THOC5: variants seen among roughly 807,000 people sequenced by gnomAD.
The protein encoded by THOC5 is THO complex subunit 5, also known as Fms-interacting protein.
A neutral mutation model predicts 92.9 loss-of-function variants in THOC5; 43 were observed. The ratio of observed to expected loss-of-function variants is 0.46; its 90% confidence interval spans 0.36 to 0.60. The LOEUF (loss-of-function observed/expected upper bound fraction) is 0.60. Among genes scored for constraint, THOC5 ranks in the 20% least tolerant of loss-of-function variants. The probability of loss-of-function intolerance (pLI) is 0.00; values close to 1 mark genes in which losing one functional copy is unlikely to be tolerated. For synonymous variants in THOC5, 296 were observed against 320.1 expected, an observed-to-expected ratio of 0.92 and a Z score of 0.80; for missense variants, 659 against 849.4, an observed-to-expected ratio of 0.78 and a Z score of 2.79.
At chr22:29,552,662 G>C (rs2064191173) in intron 1 of THOC5, among the ~76,000 whole-genome samples, 2 of 151,664 alleles carry the variant, frequency 1.3e-5, no homozygotes, top group Admixed American at 1.3e-4. Context: ...TCCGGGAGGT[G>C]GGGGGCGCCT....
In THOC5 at chr22:29,512,148, GGAGA is replaced by G. The variant is rs1422520629; in HGVS notation, c.1682-16_1682-13del. On this transcript the variant is annotated splice_polypyrimidine_tract_variant and intron_variant, in intron 17 of 19. Coordinates refer to ENST00000490103, the MANE Select transcript of THOC5 (RefSeq NM_003678.5). ...GGCCTGCAGTTTGGCTGGGAAGAGA[GGAGA>G]GAGGGGAAATGCGCAGTTCTAAGAC... 6.2e-7 allele frequency: 1 copy of G among 1,610,482 alleles called. No homozygotes were observed. Among genetic ancestry groups the G allele is most frequent in the Non-Finnish European group, 8.5e-7 (1 of 1,176,728 alleles).
chr22:29,525,098 C>A (rs5752938), intron 12 of THOC5, among the ~76,000 whole-genome samples: 8,112 of 152,036 alleles, frequency 0.053, 523 homozygotes, highest in African/African-American at 0.14. Context: ...CACAGCAAGA[C>A]CCCGTTTCTA....
rs755339298 is a variant in THOC5, at chr22:29,544,444, T to C, written c.240+16A>G. Reference sequence around the variant, plus strand: ...TAAACCCACCAGGTTCACGGCCACCTGGTCCCACTCCTTACCACATCCTTG... The same window carrying C: ...TAAACCCACCAGGTTCACGGCCACCCGGTCCCACTCCTTACCACATCCTTG... On this transcript the variant is annotated intron_variant, in intron 3 of 19. Coordinates refer to ENST00000490103, the MANE Select transcript of THOC5 (RefSeq NM_003678.5). 2 of 1,609,748 alleles carry C rather than the reference T, an allele frequency of 1.2e-6. No individual in the cohort carries two copies. Among genetic ancestry groups the C allele is most frequent in the Non-Finnish European group, 1.7e-6 (2 of 1,178,140 alleles).
Position 29,536,755 on chromosome 22 carries a change from G to A in THOC5, c.600-17C>T, listed in dbSNP as rs1293477710. Reference sequence around the variant, plus strand: ...TCTGCCAGCCTGTTGGGGGAGGAAAGAGCATTGTCACCTGATATCCCCCAG... The same window carrying A: ...TCTGCCAGCCTGTTGGGGGAGGAAAAAGCATTGTCACCTGATATCCCCCAG... On this transcript the variant is annotated splice_polypyrimidine_tract_variant and intron_variant, in intron 6 of 19. Coordinates refer to ENST00000490103, the MANE Select transcript of THOC5 (RefSeq NM_003678.5). 3 of 1,441,120 alleles carry A rather than the reference G, an allele frequency of 2.1e-6. No individual in the cohort carries two copies. The highest frequency in any genetic ancestry group is 2.9e-6 in the Non-Finnish European group (3 of 1,022,360). 89.3% of individuals were successfully genotyped at this position (1,441,120 alleles called of 1,614,324 possible). A position where few individuals can be genotyped will look rare whatever the true frequency, so the allele number is the denominator to read the frequency against.
chr22:29,548,645 G>A (rs56406228), intron 2 of THOC5, among the ~76,000 whole-genome samples: 8 of 152,180 alleles, frequency 5.3e-5, no homozygotes, highest in Non-Finnish European at 8.8e-5. Context: ...AGAACCTGAC[G>A]ACCACATGAG....
At chr22:29,532,433 G>A (rs913873929) in intron 7 of THOC5, among the ~76,000 whole-genome samples, 1 of 152,230 alleles carries the variant, frequency 6.6e-6, no homozygotes, top group African/African-American at 2.4e-5. Flanking sequence ...GGAGGCTGAG[G>A]CAGATGGATC....
chr22:29,522,003 C>T (rs188797891), intron 12 of THOC5, among the ~76,000 whole-genome samples: 2 of 152,124 alleles, frequency 1.3e-5, no homozygotes, highest in Non-Finnish European at 2.9e-5. Context: ...TCCCTGTTCC[C>T]CAAGGTCTTT....
At chr22:29,536,589 T>C (rs778749742) in intron 7 of THOC5, 35 bp downstream of exon 7, 2 of 1,281,392 alleles carry the variant, frequency 1.6e-6, no homozygotes, top group South Asian at 1.2e-5. Context: ...GCCTGGTCAG[T>C]GGTGAAGGCA....
intron 5 of THOC5, among the ~76,000 whole-genome samples, chr22:29,540,402 G>A (rs549811763): frequency 6.6e-6 from 1 of 152,270 alleles, no homozygotes; most frequent in African/African-American, 2.4e-5. Flanking sequence ...CCTCATTTAA[G>A]CCTCACAACA....
chr22:29,552,994 T>C (rs1171650576), intron 1 of THOC5, among the ~76,000 whole-genome samples: 1 of 152,064 alleles, frequency 6.6e-6, no homozygotes, highest in African/African-American at 2.4e-5. Flanking sequence ...TTAAATGGAT[T>C]AAGGGCGGGG....
intron 7 of THOC5, chr22:29,534,698 T>A (rs1033062804): frequency 1.3e-5 from 2 of 152,158 alleles, no homozygotes; most frequent in African/African-American, 4.8e-5. Context: ...CTCACGCCTG[T>A]AATCCCAGCA....
intron 2 of THOC5, among the ~76,000 whole-genome samples, chr22:29,547,824 C>T (rs2064055686): frequency 6.6e-6 from 1 of 152,164 alleles, no homozygotes; most frequent in South Asian, 2.1e-4. Flanking sequence ...TTTCAGCAAA[C>T]CCCCACTCTA....
At chr22:29,508,553 C>G (rs2063163450) in intron 19 of THOC5, 33 bp from the exon 20 acceptor site, 1 of 1,566,442 alleles carries the variant, frequency 6.4e-7, no homozygotes, top group African/African-American at 1.4e-5. Flanking sequence ...TTGTTAATAA[C>G]ACACCTTCTA....
intron 11 of THOC5, 73 bp from the exon 12 acceptor site, chr22:29,526,019 A>G (rs2063536073): frequency 2.4e-5 from 14 of 586,764 alleles, no homozygotes; most frequent in East Asian, 5.6e-5. Flanking sequence ...CATAGGGGGT[A>G]GTAAGGTGGG....
At chr22:29,515,390 T>C (rs1001861855) in intron 17 of THOC5, among the ~76,000 whole-genome samples, 1 of 152,204 alleles carries the variant, frequency 6.6e-6, no homozygotes, top group East Asian at 1.9e-4. Context: ...TAGACTATAG[T>C]GCAAACATAA....
At chr22:29,526,186 A>C (rs1414520070) in intron 11 of THOC5, among the ~76,000 whole-genome samples, 1 of 152,224 alleles carries the variant, frequency 6.6e-6, no homozygotes, top group Non-Finnish European at 1.5e-5. Flanking sequence ...TATAACAAAA[A>C]AAGAAAAACA....
chr22:29,541,893 AATATATATATATATAT>A (rs55924406), intron 5 of THOC5, among the ~76,000 whole-genome samples: 1 of 74,174 alleles, frequency 1.3e-5, no homozygotes, highest in African/African-American at 6.9e-5. Context: ...AAAAAAAAAA[AATATATATATATATAT>A]ATATATATAT....
rs375338201 is a variant in THOC5 at position 29,517,125 on chromosome 22, G to C, written c.1594-9C>G. On this transcript the variant is annotated splice_polypyrimidine_tract_variant and intron_variant, in intron 16 of 19. Coordinates refer to ENST00000490103, the MANE Select transcript of THOC5 (RefSeq NM_003678.5). ...TTGGTGAAGTGCAGCTCCTAGAAGAGGTACCACAGACAAGAGGTGAACTGC... is the reference window on the plus strand; with the variant it reads ...TTGGTGAAGTGCAGCTCCTAGAAGACGTACCACAGACAAGAGGTGAACTGC... 1 of 1,614,046 alleles carries C rather than the reference G, an allele frequency of 6.2e-7. No homozygotes were observed. The highest frequency in any genetic ancestry group is 1.3e-5 in the African/African-American group (1 of 75,014).
At position 29,542,842 on chromosome 22, in the gene THOC5, T is replaced by G. The variant is rs2063927651; in HGVS notation, c.452+17A>C. On this transcript the variant is annotated intron_variant, in intron 5 of 19. Coordinates refer to ENST00000490103, the MANE Select transcript of THOC5 (RefSeq NM_003678.5). Reference sequence around the variant, plus strand: ...CGAAAGACCACATGTGCCAAAGCCCTGTCCTCCCAAACTCACTTAAACTCC... The same window carrying G: ...CGAAAGACCACATGTGCCAAAGCCCGGTCCTCCCAAACTCACTTAAACTCC... 2 of 1,583,606 alleles carry G rather than the reference T, an allele frequency of 1.3e-6. No individual in the cohort carries two copies. The highest frequency in any genetic ancestry group is 4.5e-5 in the East Asian group (2 of 44,630).
Sources: gnomAD v4.1 joint callset for allele counts (sites outside exome capture counted in the v4.1 genomes callset) on GRCh38, gnomAD v4.1.1 for gene constraint, MANE v1.5 for transcripts, NCBI Gene and HGNC (gene_info 2026-07-23, HGNC 2026-07-21) for gene names.